SHTN1: variants seen among roughly 807,000 people sequenced by gnomAD.
The protein encoded by SHTN1 is shootin-1.
Under a neutral mutation model 83.1 loss-of-function variants are expected in SHTN1, and 42 were observed. The ratio of observed to expected loss-of-function variants is 0.51; its 90% CI spans 0.39 to 0.65. The LOEUF (loss-of-function observed/expected upper bound fraction) is 0.65. Among genes scored for constraint, SHTN1 ranks in the 30% least tolerant of loss-of-function variants. The probability of loss-of-function intolerance (pLI) is 0.00; values close to 1 mark genes in which losing one functional copy is unlikely to be tolerated. For missense variants in SHTN1, 622 were observed against 737.8 expected, an observed-to-expected ratio of 0.84 and a Z score of 1.82; for synonymous variants, 224 against 247.7, an observed-to-expected ratio of 0.90 and a Z score of 0.90.
At chr10:116,924,975 C>T (rs1255381664) in intron 11 of SHTN1, among the ~76,000 whole-genome samples, 1 of 151,964 alleles carries the variant, frequency 6.6e-6, no homozygotes, top group Admixed American at 6.5e-5. Flanking sequence ...CCAGGATGGT[C>T]TCAATCTCCT....
intron 1 of SHTN1, among the ~76,000 whole-genome samples, chr10:117,050,291 C>G (rs914801109): frequency 1.3e-5 from 2 of 152,018 alleles, no homozygotes; most frequent in Non-Finnish European, 2.9e-5. Flanking sequence ...TATAAATCAT[C>G]AGTATCAGGA....
upstream of SHTN1, chr10:117,005,369 G>C (rs188912945): frequency 4.7e-4 from 568 of 1,220,968 alleles, 4 homozygotes; most frequent in African/African-American, 8.3e-3. Context: ...CCAGCCTGTG[G>C]CTGCCGGCGC....
At chr10:116,983,637 TAG>T (rs1851110705) in intron 1 of SHTN1, among the ~76,000 whole-genome samples, 1 of 127,196 alleles carries the variant, frequency 7.9e-6, no homozygotes, top group Non-Finnish European at 1.5e-5. Context: ...GGCATCCAGA[TAG>T]ATAGATAGAT....
Position 116,881,966 on chromosome 10 carries a change from T to G in SHTN1, c.*4378A>C. ...AGAGGCCAATATTTTTGTTGCCAAC[T>G]CCACACTCAGTCAAACACCCCATCC... On this transcript the variant is annotated 3_prime_UTR_variant, in exon 17 of 17. Transcript: ENST00000355371. 2 of 253,462 alleles carry G rather than the reference T, an allele frequency of 7.9e-6. No individual in the cohort carries two copies. The highest frequency in any genetic ancestry group is 2.9e-4 in the South Asian group (2 of 6,812). The allele number at this position is 253,462 out of a possible 1,614,324, so 15.7% of individuals were successfully genotyped here. A position where few individuals can be genotyped will look rare whatever the true frequency, so the allele number is the denominator to read the frequency against.
At chr10:116,951,882 C>A in intron 6 of SHTN1, 27 bp downstream of exon 6, 1 of 1,340,614 alleles carries the variant, frequency 7.5e-7, no homozygotes, top group Non-Finnish European at 1.0e-6. Flanking sequence ...TGCTAAAGCC[C>A]TTGCCTTTCA....
chr10:116,905,179 A>G (rs967709223), intron 15 of SHTN1, among the ~76,000 whole-genome samples: 9 of 149,080 alleles, frequency 6.0e-5, no homozygotes, highest in African/African-American at 2.0e-4. Context: ...TCCGCAGTCC[A>G]GCCTGGGCGA....
At chr10:116,904,473 C>G (rs1160260002) in intron 15 of SHTN1, among the ~76,000 whole-genome samples, 1 of 150,296 alleles carries the variant, frequency 6.7e-6, no homozygotes, top group African/African-American at 2.5e-5. Context: ...TATTAGGAAA[C>G]TCAAAGGAAA....
intron 13 of SHTN1, among the ~76,000 whole-genome samples, chr10:116,912,899 T>C (rs1159016901): frequency 6.6e-6 from 1 of 152,176 alleles, no homozygotes; most frequent in African/African-American, 2.4e-5. Context: ...AAGATCCTAC[T>C]TCAAATTTTA....
At chr10:116,988,534 ATTAT>A (rs766851847) in intron 1 of SHTN1, among the ~76,000 whole-genome samples, 10 of 145,504 alleles carry the variant, frequency 6.9e-5, no homozygotes, top group South Asian at 2.2e-4. Flanking sequence ...TTACTTATAT[ATTAT>A]TTATTTATTT....
chr10:117,120,515 T>G (rs888396155), intron 1 of SHTN1, among the ~76,000 whole-genome samples: 1 of 152,182 alleles, frequency 6.6e-6, no homozygotes, highest in African/African-American at 2.4e-5. Context: ...CCCAAAGTGC[T>G]GGGATTACAG....
chr10:116,963,364 G>T (rs1244321972), intron 3 of SHTN1, among the ~76,000 whole-genome samples: 1 of 151,570 alleles, frequency 6.6e-6, no homozygotes, highest in Non-Finnish European at 1.5e-5. Context: ...GAGCCACCGC[G>T]CCCGGCCATA....
intron 2 of SHTN1, among the ~76,000 whole-genome samples, chr10:117,047,434 G>T (rs1852680988): frequency 6.6e-6 from 1 of 152,086 alleles, no homozygotes; most frequent in Non-Finnish European, 1.5e-5. Flanking sequence ...CATCTATTAT[G>T]TACCAGGCAC....
intron 9 of SHTN1, among the ~76,000 whole-genome samples, chr10:116,934,384 A>G (rs1025618288): frequency 6.6e-6 from 1 of 152,202 alleles, no homozygotes; most frequent in Non-Finnish European, 1.5e-5. Flanking sequence ...TTTTCTGCAT[A>G]TGGCTAGCCC....
At chr10:117,042,318 G>C (rs1564939592) in intron 2 of SHTN1, among the ~76,000 whole-genome samples, 2 of 152,068 alleles carry the variant, frequency 1.3e-5, no homozygotes, top group African/African-American at 2.4e-5. Context: ...GTCTGTGGTG[G>C]ATCTCAAGTT....
At chr10:116,935,631 T>G (rs1849129917) in intron 9 of SHTN1, among the ~76,000 whole-genome samples, 1 of 152,164 alleles carries the variant, frequency 6.6e-6, no homozygotes, top group Non-Finnish European at 1.5e-5. Flanking sequence ...ATTTTCTTTT[T>G]TTGTTGTGTT....
chr10:116,921,437 T>G lies in SHTN1; in HGVS notation c.1192A>C (p.Thr398Pro). The G allele has an allele frequency of 6.2e-7, 1 of 1,612,588 alleles. No homozygotes were observed. The highest frequency in any genetic ancestry group is 8.5e-7 in the Non-Finnish European group (1 of 1,178,848). The change falls in exon 12 of 17, where the codon ACA (threonine) becomes CCA (proline). Residue 398 changes from threonine to proline, a missense_variant. Coordinates refer to ENST00000355371, the MANE Select transcript of SHTN1 (RefSeq NM_001127211.3). ...CACCAATAGAAGTGATGCTTACTTG[T>G]TTCTGGTTGAGTTGCCTTTTCTTTC... ...AKKEKATQPE[T>P]TEEVTDLKRQ... is the part of the protein sequence containing the mutation.
At chr10:116,954,295 T>G (rs1253700546) in intron 4 of SHTN1, 85 bp from the exon 5 acceptor site, 8 of 890,226 alleles carry the variant, frequency 9.0e-6, no homozygotes, top group Non-Finnish European at 1.3e-5. Flanking sequence ...TTAAGTATAT[T>G]TTTGTCTTAC....
At chr10:117,116,123 G>C (rs1213759551) in intron 1 of SHTN1, among the ~76,000 whole-genome samples, 2 of 151,568 alleles carry the variant, frequency 1.3e-5, no homozygotes, top group African/African-American at 4.8e-5. Flanking sequence ...TCAATGAAAT[G>C]AAAAGTTGGT....
chr10:116,971,562 C>T (rs1356852699), intron 2 of SHTN1, among the ~76,000 whole-genome samples: 2 of 152,098 alleles, frequency 1.3e-5, no homozygotes, highest in Non-Finnish European at 2.9e-5. Context: ...TCTGTTTGGT[C>T]TGGATTTCCC....
Sources: gnomAD v4.1 joint callset for allele counts (sites outside exome capture counted in the v4.1 genomes callset) on GRCh38, gnomAD v4.1.1 for gene constraint, MANE v1.5 for transcripts, NCBI Gene and HGNC (gene_info 2026-07-23, HGNC 2026-07-21) for gene names.